KCNN3: variants seen among roughly 807,000 people sequenced by gnomAD.
The protein encoded by KCNN3 is small conductance calcium-activated potassium channel protein 3.
Under a neutral mutation model 62.9 loss-of-function variants are expected in KCNN3, and 16 were observed. The observed-to-expected ratio is 0.25, with a 90% CI of 0.17 to 0.39. The LOEUF is 0.39. KCNN3 is among the 10% of genes least tolerant of loss of function. KCNN3 has a pLI of 1.00. For synonymous variants in KCNN3, 370 were observed against 389.2 expected, an observed-to-expected ratio of 0.95 and a Z score of 0.58; for missense variants, 599 against 949.4, an observed-to-expected ratio of 0.63 and a Z score of 4.85.
At chr1:154,838,712 C>G (rs1204673235) in intron 1 of KCNN3, among the ~76,000 whole-genome samples, 1 of 152,174 alleles carries the variant, frequency 6.6e-6, no homozygotes, top group Non-Finnish European at 1.5e-5. Flanking sequence ...CCACCCTGTC[C>G]CTTCAGGCCT....
intron 3 of KCNN3, among the ~76,000 whole-genome samples, chr1:154,752,049 GAGGAAAGTCCTCCGGGTGTT>G (rs1412889655): frequency 2.6e-5 from 4 of 152,232 alleles, no homozygotes; most frequent in Admixed American, 2.6e-4. Flanking sequence ...AGGAGGCATG[GAGGAAAGTCCTCCGGGTGTT>G]AAGTCCTCGA....
chr1:154,829,644 G>T (rs1651300901), intron 1 of KCNN3, among the ~76,000 whole-genome samples: 1 of 152,198 alleles, frequency 6.6e-6, no homozygotes, highest in Non-Finnish European at 1.5e-5. Flanking sequence ...GCATCAGGAT[G>T]CGGGGTCTGA....
intron 1 of KCNN3, among the ~76,000 whole-genome samples, chr1:154,828,599 G>A (rs905845035): frequency 6.6e-6 from 1 of 152,162 alleles, no homozygotes; most frequent in Non-Finnish European, 1.5e-5. Context: ...CACTGGATCG[G>A]TCCTTTAACC....
chr1:154,850,473 C>T (rs1158934769), intron 1 of KCNN3, among the ~76,000 whole-genome samples: 1 of 152,210 alleles, frequency 6.6e-6, no homozygotes. Flanking sequence ...CCTCAAAAGC[C>T]ATACCTGCTG....
rs757990006 is a variant in KCNN3 at position 154,869,222 on chromosome 1, G to A, written c.743C>T (p.Thr248Ile). 1.2e-6 allele frequency: 2 copies of A among 1,614,008 alleles called. No homozygotes were observed. The highest frequency in any genetic ancestry group is 1.1e-5 in the South Asian group (1 of 91,078). ...GGGGAAGGTGGTGCTGCTGGCGGTG[G>A]TGCCGGCATGCTGGTGGTTGTGGGT... ...NATHNHQHAG[T>I]TASSTTFPKA... Residue 248 changes from threonine to isoleucine, a missense_variant, in exon 1 of 8, where the codon ACC becomes ATC. By Grantham distance (89) the Thr-to-Ile change is moderately conservative (BLOSUM62 -1). This residue lies in a region of KCNN3 where 80 missense variants were observed against 85.4 expected (regional missense o/e 0.94). Transcript: ENST00000271915. The surrounding 1 kb of genome is among the most constrained non-coding windows in gnomAD (Gnocchi z 6.1).
intron 2 of KCNN3, among the ~76,000 whole-genome samples, chr1:154,821,512 G>A (rs968050919): frequency 2.0e-5 from 3 of 152,146 alleles, no homozygotes; most frequent in Non-Finnish European, 4.4e-5. Flanking sequence ...ATGTTTCTCT[G>A]GGTACCAAGT....
chr1:154,773,080 G>C (rs12084283), intron 2 of KCNN3, among the ~76,000 whole-genome samples: 41 of 152,316 alleles, frequency 2.7e-4, no homozygotes, highest in African/African-American at 9.9e-4. Context: ...TCGTGTTACA[G>C]AGATTTGTTG....
At chr1:154,820,395 C>T (rs982385143) in intron 2 of KCNN3, among the ~76,000 whole-genome samples, 5 of 152,230 alleles carry the variant, frequency 3.3e-5, no homozygotes, top group Admixed American at 2.0e-4. Flanking sequence ...TCCCCTTCCT[C>T]AAGCCTGGGT....
rs145495767 is a variant in KCNN3 at position 154,826,096 on chromosome 1, C to A, written c.934-3912G>T. Among the ~76,000 whole-genome samples, 1,346 of 144,116 alleles carry A rather than the reference C, an allele frequency of 9.3e-3. 61 individuals are homozygous for A. The highest frequency in any genetic ancestry group is 0.034 in the African/African-American group (1,252 of 37,002). The allele number at this position is 144,116 out of a possible 152,430, so 94.5% of individuals were successfully genotyped here. Reference sequence around the variant, plus strand: ...AAACAAAAACAAAAACAAAAAAAACCAAAAAACACTTCTGCAGACAATATC... The same window carrying A: ...AAACAAAAACAAAAACAAAAAAAACAAAAAAACACTTCTGCAGACAATATC... On this transcript the variant is annotated intron_variant, in intron 1 of 7. Transcript: ENST00000271915.
intron 3 of KCNN3, among the ~76,000 whole-genome samples, chr1:154,766,413 G>GC (rs1648275461): frequency 4.2e-4 from 7 of 16,752 alleles, no homozygotes. Flanking sequence ...TACTAGCCAG[G>GC]CTTTATATAT....
intron 2 of KCNN3, among the ~76,000 whole-genome samples, chr1:154,792,491 C>CA (rs1649557680): frequency 6.6e-6 from 1 of 152,216 alleles, no homozygotes; most frequent in Admixed American, 6.5e-5. Context: ...AAAGTAACAG[C>CA]AAGCTGATGG....
At position 154,703,858 on chromosome 1, in the gene KCNN3, T is replaced by C. The variant is rs1415505792; in HGVS notation, c.*4118A>G. 1 of 152,242 alleles carries C rather than the reference T, an allele frequency of 6.6e-6. No individual in the cohort carries two copies. Among genetic ancestry groups the C allele is most frequent in the Non-Finnish European group, 1.5e-5 (1 of 68,042 alleles). The allele number at this position is 152,242 out of a possible 1,614,324, so 9.4% of individuals were successfully genotyped here. A position where few individuals can be genotyped will look rare whatever the true frequency, so the allele number is the denominator to read the frequency against. On this transcript the variant is annotated 3_prime_UTR_variant, in exon 8 of 8. Transcript: ENST00000271915. ...CTGTTGATGACAAAGGTGATTTCAT[T>C]TGTTCTCTATTGAAAACATTGTACT... is the stretch of plus-strand genomic sequence containing the variant.
chr1:154,822,057 G>T, intron 2 of KCNN3, 32 bp downstream of exon 2: 2 of 1,524,974 alleles, frequency 1.3e-6, no homozygotes, highest in Non-Finnish European at 1.8e-6. Flanking sequence ...AGGATCAGCC[G>T]CTGCATGAAG....
At chr1:154,860,944 C>A (rs1212923627) in intron 1 of KCNN3, among the ~76,000 whole-genome samples, 1 of 148,260 alleles carries the variant, frequency 6.7e-6, no homozygotes, top group Non-Finnish European at 1.5e-5. Flanking sequence ...ACTGGTGTGC[C>A]ACCCAAGTTT....
rs1023840096 is a variant in KCNN3, at chr1:154,703,193, T to C, written c.*4783A>G. ...GGAGTTTAACATTAATTTCTATTCATGCAGCCTGGCACAAGCTTTCTACTA... is the reference window on the plus strand; with the variant it reads ...GGAGTTTAACATTAATTTCTATTCACGCAGCCTGGCACAAGCTTTCTACTA... On this transcript the variant is annotated 3_prime_UTR_variant, in exon 8 of 8. Transcript: ENST00000271915. The C allele has an allele frequency of 6.6e-6, 1 of 152,202 alleles. No individual in the cohort carries two copies. Among genetic ancestry groups the C allele is most frequent in the African/African-American group, 2.4e-5 (1 of 41,436 alleles). The allele number at this position is 152,202 out of a possible 1,614,324, so 9.4% of individuals were successfully genotyped here.
chr1:154,716,379 T>C (rs1197479123), intron 5 of KCNN3, among the ~76,000 whole-genome samples: 2 of 152,276 alleles, frequency 1.3e-5, no homozygotes, highest in African/African-American at 4.8e-5. Flanking sequence ...GCCAGCCTAA[T>C]AGAAATCAGG....
intron 2 of KCNN3, among the ~76,000 whole-genome samples, chr1:154,788,734 G>A (rs563960290): frequency 5.3e-5 from 8 of 152,226 alleles, no homozygotes; most frequent in East Asian, 1.9e-4. Context: ...CCACCTTCAC[G>A]TGCTTTTTAG....
Position 154,870,123 on chromosome 1 carries a change from G to C in KCNN3, c.-159C>G. 1.2e-6 allele frequency: 1 copy of C among 823,900 alleles called. No homozygotes were observed. Among genetic ancestry groups the C allele is most frequent in the African/African-American group, 1.7e-5 (1 of 59,370 alleles). 51.0% of individuals were successfully genotyped at this position (823,900 alleles called of 1,614,324 possible). On this transcript the variant is annotated 5_prime_UTR_variant, in exon 1 of 8. Transcript: ENST00000271915. ...TGCTTCGGTTCTCTGGGGCTGCCTG[G>C]AGTCCAGACGCTGCCACTCAAGAAT...
rs540117403 is a variant in KCNN3 at position 154,772,370 on chromosome 1, C to T, written c.1053G>A (p.Ala351=). Residue 351 remains alanine (A), a synonymous_variant, in exon 3 of 8, where the codon GCG becomes GCA. Coordinates refer to ENST00000271915, the MANE Select transcript of KCNN3 (RefSeq NM_002249.6). This position sits in a 1 kb window ranked among gnomAD's most constrained non-coding sequence, Gnocchi z 5.6. ...EVQLFVIDNG[A]DDWRIAMTYE... is the part of the protein sequence containing the mutation. ...AGGTCATGGCTATCCGCCAGTCATC[C>T]GCGCCATTGTCGATCACGAAGAGCT... 60 of 1,614,174 alleles carry T rather than the reference C, an allele frequency of 3.7e-5. No individual in the cohort carries two copies. Among genetic ancestry groups the T allele is most frequent in the East Asian group, 4.5e-5 (2 of 44,880 alleles).
Sources: allele counts gnomAD v4.1 joint callset (sites outside exome capture counted in the v4.1 genomes callset), GRCh38; gene constraint gnomAD v4.1.1; regional missense constraint gnomAD v4.1.1; non-coding constraint Gnocchi (gnomAD v3.1); transcripts MANE v1.5; gene names NCBI Gene and HGNC (gene_info 2026-07-23, HGNC 2026-07-21).